The following PPM1H variants were observed in gnomAD, a reference collection of about 807,000 sequenced individuals.
PPM1H encodes protein phosphatase 1H.
In PPM1H, 27 loss-of-function variants were observed where a neutral mutation model predicts 54.9. The observed-to-expected ratio is 0.49, with a 90% CI of 0.36 to 0.68. The LOEUF is 0.68. Among genes scored for constraint, PPM1H ranks in the 30% least tolerant of loss-of-function variants. PPM1H has a pLI of 0.00. For synonymous variants in PPM1H, 305 were observed against 270.8 expected, an observed-to-expected ratio of 1.13 and a Z score of -1.24; for missense variants, 596 against 667.8, an observed-to-expected ratio of 0.89 and a Z score of 1.19.
rs1209648249 is a variant in PPM1H, at chr12:62,934,786, C to G, written c.-50G>C. 1.4e-6 allele frequency: 2 copies of G among 1,429,788 alleles called. No homozygotes were observed. Among genetic ancestry groups the G allele is most frequent in the South Asian group, 3.1e-5 (2 of 63,518 alleles). 88.6% of individuals were successfully genotyped at this position (1,429,788 alleles called of 1,614,324 possible). On this transcript the variant is annotated 5_prime_UTR_variant, in exon 1 of 10. Transcript: ENST00000228705. This position sits in a 1 kb window ranked among gnomAD's most constrained non-coding sequence, Gnocchi z 4.2. Reference sequence around the variant, plus strand: ...GGTGCGAGCAGGAGGCGGCGGGGGCCGGGCAAGGCGCAGCGCGGGGCATGC... The same window carrying G: ...GGTGCGAGCAGGAGGCGGCGGGGGCGGGGCAAGGCGCAGCGCGGGGCATGC...
At chr12:62,818,784 C>T (rs1479157758) in intron 2 of PPM1H, among the ~76,000 whole-genome samples, 1 of 151,628 alleles carries the variant, frequency 6.6e-6, no homozygotes, top group Non-Finnish European at 1.5e-5. Context: ...TACATACCTG[C>T]TTCATCAAAT....
At chr12:62,785,945 G>A (rs529779321) in intron 4 of PPM1H, among the ~76,000 whole-genome samples, 2 of 152,286 alleles carry the variant, frequency 1.3e-5, no homozygotes, top group African/African-American at 4.8e-5. Flanking sequence ...ATTCCAGCCG[G>A]GAAGTTGAGT....
rs1868887992 is a variant in PPM1H at position 62,844,613 on chromosome 12, A to AGGACAAG, written c.246-12341_246-12335dup. Among the ~76,000 whole-genome samples, 3 of 152,234 alleles carry AGGACAAG rather than the reference A, an allele frequency of 2.0e-5. No individual in the cohort carries two copies. Among genetic ancestry groups the AGGACAAG allele is most frequent in the Admixed American group, 2.0e-4 (3 of 15,286 alleles). ...TGCTTAATACCATCCTTAAATAAAA[A>AGGACAAG]GGACAAGGTGGACTACCAATATATT... is the stretch of plus-strand genomic sequence containing the variant. On this transcript the variant is annotated intron_variant, in intron 1 of 9. Transcript: ENST00000228705. The surrounding 1 kb of genome is among the most constrained non-coding windows in gnomAD (Gnocchi z 5.2).
intron 8 of PPM1H, among the ~76,000 whole-genome samples, chr12:62,684,562 C>A (rs2076041146): frequency 6.6e-6 from 1 of 152,106 alleles, no homozygotes; most frequent in Non-Finnish European, 1.5e-5. Flanking sequence ...GGGAACAATG[C>A]TGATTTCCAA....
intron 4 of PPM1H, among the ~76,000 whole-genome samples, chr12:62,764,065 G>A (rs999614868): frequency 6.6e-6 from 1 of 152,164 alleles, no homozygotes; most frequent in African/African-American, 2.4e-5. Context: ...ATGCCGTGGG[G>A]ACCATCCTGT....
At chr12:62,663,838 A>C in intron 9 of PPM1H, among the ~76,000 whole-genome samples, 1 of 152,122 alleles carries the variant, frequency 6.6e-6, no homozygotes, top group East Asian at 1.9e-4. Context: ...CTAAAAATAC[A>C]AAATTAGCTG....
chr12:62,735,535 T>C (rs1224154208), intron 5 of PPM1H, among the ~76,000 whole-genome samples: 2 of 152,198 alleles, frequency 1.3e-5, no homozygotes, highest in African/African-American at 4.8e-5. Context: ...AAATCTTTCG[T>C]TCAGTAAACA....
intron 4 of PPM1H, among the ~76,000 whole-genome samples, chr12:62,748,249 A>G (rs1002424172): frequency 2.6e-5 from 4 of 152,238 alleles, no homozygotes; most frequent in Middle Eastern, 3.4e-3. Flanking sequence ...TCTCAAAAAA[A>G]AAAAAGAAAA....
At chr12:62,742,030 T>G (rs1307644290) in intron 4 of PPM1H, among the ~76,000 whole-genome samples, 19 of 151,882 alleles carry the variant, frequency 1.3e-4, no homozygotes, top group Admixed American at 1.2e-3. Flanking sequence ...GAGAAGCTCC[T>G]TGAAATACAA....
chr12:62,894,483 G>T (rs1298064174), intron 1 of PPM1H, among the ~76,000 whole-genome samples: 2 of 152,142 alleles, frequency 1.3e-5, no homozygotes, highest in African/African-American at 2.4e-5. Flanking sequence ...AAGGACAAAA[G>T]CCCCAAAACA....
At chr12:62,745,151 G>A (rs1164202921) in intron 4 of PPM1H, among the ~76,000 whole-genome samples, 1 of 151,918 alleles carries the variant, frequency 6.6e-6, no homozygotes, top group Non-Finnish European at 1.5e-5. Context: ...TCAATGAGTG[G>A]CAAGGAAGTT....
At chr12:62,734,993 A>G (rs568440447) in intron 5 of PPM1H, among the ~76,000 whole-genome samples, 1 of 151,532 alleles carries the variant, frequency 6.6e-6, no homozygotes, top group African/African-American at 2.4e-5. Context: ...ACAGTGAGCC[A>G]TGGTTGTGCT....
chr12:62,837,483 C>T (rs924123193), intron 1 of PPM1H, among the ~76,000 whole-genome samples: 5 of 152,206 alleles, frequency 3.3e-5, no homozygotes, highest in African/African-American at 1.2e-4. Context: ...CAAAGTCACT[C>T]AACACCAACT....
At chr12:62,901,176 G>A (rs1871156190) in intron 1 of PPM1H, among the ~76,000 whole-genome samples, 1 of 152,224 alleles carries the variant, frequency 6.6e-6, no homozygotes, top group African/African-American at 2.4e-5. Context: ...AGAGCATTCT[G>A]TTGCACAATG....
chr12:62,760,273 C>G (rs1453288629), intron 4 of PPM1H, among the ~76,000 whole-genome samples: 2 of 152,148 alleles, frequency 1.3e-5, no homozygotes, highest in Admixed American at 6.5e-5. Flanking sequence ...CCTCCCTAGT[C>G]TCTGCTCCCA....
At chr12:62,747,406 G>T (rs1245982620) in intron 4 of PPM1H, among the ~76,000 whole-genome samples, 1 of 152,176 alleles carries the variant, frequency 6.6e-6, no homozygotes, top group Non-Finnish European at 1.5e-5. Context: ...AAAGTGCTGG[G>T]ATTATAGGCG....
chr12:62,820,093 C>T (rs1273729690), intron 2 of PPM1H, among the ~76,000 whole-genome samples: 1 of 152,220 alleles, frequency 6.6e-6, no homozygotes, highest in African/African-American at 2.4e-5. Context: ...TTTCCAATGG[C>T]CTTAGCAAAT....
intron 1 of PPM1H, among the ~76,000 whole-genome samples, chr12:62,929,472 G>A (rs1872066481): frequency 6.6e-6 from 1 of 152,168 alleles, no homozygotes; most frequent in Admixed American, 6.5e-5. Context: ...GAACATTAAT[G>A]TATTTTTAGA....
At chr12:62,738,562 C>T (rs1427952244) in intron 4 of PPM1H, among the ~76,000 whole-genome samples, 1 of 152,170 alleles carries the variant, frequency 6.6e-6, no homozygotes. Context: ...CTCCTGTTCC[C>T]AGACCTTCTG....
Sources: gnomAD v4.1 joint callset for allele counts (sites outside exome capture counted in the v4.1 genomes callset) on GRCh38, gnomAD v4.1.1 for gene constraint, Gnocchi (gnomAD v3.1) non-coding constraint, MANE v1.5 for transcripts, NCBI Gene and HGNC (gene_info 2026-07-23, HGNC 2026-07-21) for gene names.